The following CAMSAP2 variants were observed in gnomAD, a reference collection of about 807,000 sequenced individuals.
CAMSAP2 encodes calmodulin-regulated spectrin-associated protein 2.
CAMSAP2 carries 26 observed loss-of-function variants against 146.1 expected under a neutral mutation model. The ratio of observed to expected loss-of-function variants is 0.18; its 90% CI spans 0.13 to 0.25. The LOEUF is 0.25. CAMSAP2 is among the 10% of genes least tolerant of loss of function. The pLI is 1.00. For missense variants in CAMSAP2, 1,381 were observed against 1,759.3 expected, an observed-to-expected ratio of 0.78 and a Z score of 3.85; for synonymous variants, 499 against 596.6, an observed-to-expected ratio of 0.84 and a Z score of 2.38.
intron 1 of CAMSAP2, among the ~76,000 whole-genome samples, chr1:200,745,559 A>T (rs1175611475): frequency 6.6e-6 from 1 of 152,212 alleles, no homozygotes; most frequent in African/African-American, 2.4e-5. Flanking sequence ...TGATCATACA[A>T]CTTGTAAGAG....
At chr1:200,753,490 T>A (rs1479200609) in intron 1 of CAMSAP2, among the ~76,000 whole-genome samples, 4 of 152,032 alleles carry the variant, frequency 2.6e-5, no homozygotes, top group African/African-American at 7.2e-5. Context: ...TGCTGGGCCC[T>A]GGTTTAGCAG....
intron 15 of CAMSAP2, among the ~76,000 whole-genome samples, chr1:200,856,577 A>G (rs930274681): frequency 1.3e-5 from 2 of 152,212 alleles, no homozygotes; most frequent in Non-Finnish European, 2.9e-5. Flanking sequence ...CTAGGTAGGC[A>G]TGATTGGAAT....
At chr1:200,810,992 A>T (rs1558187641) in intron 3 of CAMSAP2, among the ~76,000 whole-genome samples, 1 of 152,278 alleles carries the variant, frequency 6.6e-6, no homozygotes, top group East Asian at 1.9e-4. Context: ...AGACTCTCTC[A>T]AGAGTTGTTT....
intron 3 of CAMSAP2, among the ~76,000 whole-genome samples, chr1:200,813,232 C>G (rs142693505): frequency 6.6e-5 from 10 of 152,330 alleles, no homozygotes; most frequent in African/African-American, 2.2e-4. Flanking sequence ...GCTCCTTCAA[C>G]CCCCTTTATA....
chr1:200,756,678 C>T (rs1029203961), intron 1 of CAMSAP2, among the ~76,000 whole-genome samples: 1 of 151,960 alleles, frequency 6.6e-6, no homozygotes, highest in African/African-American at 2.4e-5. Flanking sequence ...TTTCTCAAAG[C>T]GTGTACAAGG....
At chr1:200,779,680 A>G (rs1665379460) in intron 2 of CAMSAP2, among the ~76,000 whole-genome samples, 1 of 152,236 alleles carries the variant, frequency 6.6e-6, no homozygotes, top group African/African-American at 2.4e-5. Context: ...GGTGTAGGAT[A>G]TAGAATTGAA....
At chr1:200,762,277 T>A (rs903131113) in intron 2 of CAMSAP2, among the ~76,000 whole-genome samples, 2 of 152,128 alleles carry the variant, frequency 1.3e-5, no homozygotes, top group Non-Finnish European at 2.9e-5. Flanking sequence ...GATTAGTTAA[T>A]GGAATTTATA....
At chr1:200,753,298 C>CAA (rs35626597) in intron 1 of CAMSAP2, among the ~76,000 whole-genome samples, 26 of 101,320 alleles carry the variant, frequency 2.6e-4, no homozygotes, top group South Asian at 3.0e-4. Context: ...AACTCCATCT[C>CAA]AAAAAAAAAA....
intron 4 of CAMSAP2, among the ~76,000 whole-genome samples, chr1:200,816,636 ACACACACATATATATG>A (rs1442131002): frequency 6.9e-6 from 1 of 144,204 alleles, no homozygotes; most frequent in South Asian, 2.1e-4. Context: ...GTATATATAT[ACACACACATATATATG>A]CACACACATA....
At chr1:200,831,246 A>G (rs1667036054) in intron 4 of CAMSAP2, among the ~76,000 whole-genome samples, 1 of 152,232 alleles carries the variant, frequency 6.6e-6, no homozygotes, top group South Asian at 2.1e-4. Context: ...ACAGCTAATA[A>G]TAGCTAACCT....
intron 2 of CAMSAP2, among the ~76,000 whole-genome samples, chr1:200,783,912 T>C (rs1225367034): frequency 6.6e-6 from 1 of 152,238 alleles, no homozygotes; most frequent in East Asian, 1.9e-4. Context: ...GCCTATATTA[T>C]GGTTGTAAAG....
intron 2 of CAMSAP2, among the ~76,000 whole-genome samples, chr1:200,774,916 A>G (rs183048031): frequency 1.1e-4 from 16 of 152,362 alleles, no homozygotes; most frequent in Admixed American, 9.2e-4. Flanking sequence ...GACTCATTCA[A>G]TAAGTACTTT....
At chr1:200,761,153 G>A in intron 2 of CAMSAP2, 55 bp downstream of exon 2, 1 of 1,500,368 alleles carries the variant, frequency 6.7e-7, no homozygotes, top group Non-Finnish European at 9.2e-7. Context: ...ACTTTTGAGT[G>A]TGAATGATAT....
intron 2 of CAMSAP2, among the ~76,000 whole-genome samples, chr1:200,784,783 G>A (rs1478097228): frequency 1.3e-5 from 2 of 152,142 alleles, no homozygotes; most frequent in African/African-American, 2.4e-5. Context: ...TTAATGTTGA[G>A]TAAAAGTGGT....
chr1:200,820,062 A>ATTTTT (rs754216364), intron 4 of CAMSAP2, among the ~76,000 whole-genome samples: 115 of 145,914 alleles, frequency 7.9e-4, no homozygotes, highest in African/African-American at 2.7e-3. Context: ...TTCTCAAAAA[A>ATTTTT]TTTTTTTTTT....
At chr1:200,750,628 T>G (rs1322587367) in intron 1 of CAMSAP2, among the ~76,000 whole-genome samples, 1 of 21,058 alleles carries the variant, frequency 4.7e-5, no homozygotes, top group Non-Finnish European at 9.3e-5. Flanking sequence ...TAGATACATC[T>G]TTTTTTTTTT....
chr1:200,826,202 G>C (rs1454484935), intron 4 of CAMSAP2, among the ~76,000 whole-genome samples: 1 of 152,014 alleles, frequency 6.6e-6, no homozygotes, highest in East Asian at 1.9e-4. Context: ...AGGCCTAGGT[G>C]GGAGGTTCAC....
In CAMSAP2 at chr1:200,848,227, TGAA is replaced by T. The variant is rs757226976; in HGVS notation, c.1465_1467del (p.Glu489del). ...ATGGAGAAGAGGAAGCAGAGAGCAT[TGAA>T]GAAGAACTTAATATAGATTCTCACA... On this transcript the variant is annotated inframe_deletion, in exon 11 of 17. Transcript: ENST00000358823. 11 of 1,613,848 alleles carry T rather than the reference TGAA, an allele frequency of 6.8e-6. No homozygotes were observed. Among genetic ancestry groups the T allele is most frequent in the Admixed American group, 3.3e-5 (2 of 59,978 alleles).
At chr1:200,837,355 C>T (rs759861651) in intron 6 of CAMSAP2, among the ~76,000 whole-genome samples, 7 of 152,026 alleles carry the variant, frequency 4.6e-5, no homozygotes, top group African/African-American at 9.7e-5. Flanking sequence ...GAGTCCTTCC[C>T]CATTGTTTGC....
Sources: gnomAD v4.1 joint callset for allele counts (sites outside exome capture counted in the v4.1 genomes callset) on GRCh38, gnomAD v4.1.1 for gene constraint, MANE v1.5 for transcripts, NCBI Gene and HGNC (gene_info 2026-07-23, HGNC 2026-07-21) for gene names.